The following GPR155 variants were observed in gnomAD, a reference collection of about 807,000 sequenced individuals.
GPR155 encodes the protein G protein-coupled receptor 155.
Under a neutral mutation model 93.1 loss-of-function variants are expected in GPR155, and 65 were observed. The ratio of observed to expected loss-of-function variants is 0.70; its 90% CI spans 0.57 to 0.86. The LOEUF (loss-of-function observed/expected upper bound fraction) is 0.86, where lower values mean the gene tolerates loss of function less well. Ranked by LOEUF, GPR155 falls within the 40% of genes least tolerant of loss-of-function variation. The pLI, the probability that GPR155 is intolerant of heterozygous loss-of-function variation, is 0.00. For synonymous variants in GPR155, 319 were observed against 360.1 expected (o/e 0.89, Z 1.29); for missense variants, 838 against 1,034.8 (o/e 0.81, Z 2.61).
rs767040249 is a variant in GPR155 at position 174,470,378 on chromosome 2, C to T, written c.1026+12G>A. On this transcript the variant is annotated intron_variant, in intron 4 of 15. Coordinates refer to ENST00000392552, the MANE Select transcript of GPR155 (RefSeq NM_152529.7). ...AACACACCATCAAACTTAGAAAGTACTATATACATACAATTTCTACTTCCA... is the reference window on the plus strand; with the variant it reads ...AACACACCATCAAACTTAGAAAGTATTATATACATACAATTTCTACTTCCA... 1 of 1,602,880 alleles carries T rather than the reference C, an allele frequency of 6.2e-7. No individual in the cohort carries two copies. The highest frequency in any genetic ancestry group is 1.7e-5 in the Admixed American group (1 of 59,746).
chr2:174,437,128 G>A (rs1395125656), intron 15 of GPR155, among the ~76,000 whole-genome samples: 1 of 152,116 alleles, frequency 6.6e-6, no homozygotes, highest in African/African-American at 2.4e-5. Context: ...TCTTAAGTAT[G>A]TACAAATAAA....
chr2:174,475,294 C>CA lies in GPR155; in HGVS notation c.461-1931dup, dbSNP rs71024809. The stretch of plus-strand genomic sequence containing the variant: ...TGGGCGACAGAGCGAGACTCCGTCT[C>CA]AAAAAAAAAAAAAAAAAAAAAAAAA... On this transcript the variant is annotated intron_variant, in intron 2 of 15. Transcript: ENST00000392552. Among the ~76,000 whole-genome samples, 163 of 64,310 alleles carry CA rather than the reference C, an allele frequency of 2.5e-3. 8 individuals carry two copies. Among genetic ancestry groups the CA allele is most frequent in the African/African-American group, 0.011 (147 of 13,880 alleles). The allele number at this position is 64,310 out of a possible 152,430, so 42.2% of individuals were successfully genotyped here. A position where few individuals can be genotyped will look rare whatever the true frequency, so the allele number is the denominator to read the frequency against.
intron 9 of GPR155, among the ~76,000 whole-genome samples, chr2:174,460,452 G>A (rs931422214): frequency 3.3e-5 from 5 of 151,826 alleles, no homozygotes; most frequent in East Asian, 3.9e-4. Context: ...GTAAGCCACC[G>A]CACCCAGCCA....
chr2:174,448,612 A>G (rs2105684361), intron 11 of GPR155, among the ~76,000 whole-genome samples: 1 of 138,644 alleles, frequency 7.2e-6, no homozygotes, highest in East Asian at 2.2e-4. Context: ...ATCTCGGCTC[A>G]CTGCAAGCTC....
chr2:174,453,930 T>C, intron 10 of GPR155, 89 bp from the exon 11 acceptor site: 2 of 838,022 alleles, frequency 2.4e-6, no homozygotes, highest in Non-Finnish European at 4.1e-6. Context: ...CAAAACAAAA[T>C]CCACTCACAC....
intron 11 of GPR155, among the ~76,000 whole-genome samples, chr2:174,453,096 C>G (rs2105692563): frequency 6.6e-6 from 1 of 152,276 alleles, no homozygotes; most frequent in Non-Finnish European, 1.5e-5. Flanking sequence ...GTTTCTAAAA[C>G]AAGAAAAAAG....
chr2:174,476,432 C>T (rs1399011114), intron 2 of GPR155, among the ~76,000 whole-genome samples: 2 of 151,970 alleles, frequency 1.3e-5, no homozygotes, highest in African/African-American at 2.4e-5. Flanking sequence ...GGTGAAACCC[C>T]ATCTCTACTA....
intron 10 of GPR155, among the ~76,000 whole-genome samples, chr2:174,454,658 A>AAGGGAAGG (rs1173422002): frequency 7.9e-6 from 1 of 126,752 alleles, no homozygotes; most frequent in South Asian, 2.7e-4. Context: ...GGGAGGGAAG[A>AAGGGAAGG]AGGGAAGGAG....
intron 11 of GPR155, among the ~76,000 whole-genome samples, chr2:174,450,144 A>AT (rs973081024): frequency 1.3e-5 from 2 of 152,082 alleles, no homozygotes; most frequent in Non-Finnish European, 2.9e-5. Context: ...GAAAAAAAAA[A>AT]AAAAAGAATG....
intron 11 of GPR155, among the ~76,000 whole-genome samples, chr2:174,450,454 A>C (rs1687286117): frequency 6.6e-6 from 1 of 152,154 alleles, no homozygotes; most frequent in Non-Finnish European, 1.5e-5. Context: ...AAAACTGCAC[A>C]CGTACCCACT....
intron 9 of GPR155, among the ~76,000 whole-genome samples, chr2:174,460,512 T>C (rs1310181354): frequency 6.6e-6 from 1 of 152,120 alleles, no homozygotes; most frequent in Admixed American, 6.6e-5. Flanking sequence ...TTTTAAATAC[T>C]CTAGAACAGT....
In GPR155 at chr2:174,433,634, A is replaced by G. The variant is rs1330151082; in HGVS notation, c.*2482T>C. 4 of 150,970 alleles carry G rather than the reference A, an allele frequency of 2.6e-5. No homozygotes were observed. The highest frequency in any genetic ancestry group is 5.9e-5 in the Non-Finnish European group (4 of 67,574). 9.4% of individuals were successfully genotyped at this position (150,970 alleles called of 1,614,324 possible). ...TTATTAGATCATGAGGGTGGAGCCT[A>G]TTGAGTGGAATTAATGTCCTTATAA... On this transcript the variant is annotated 3_prime_UTR_variant, in exon 16 of 16. Coordinates refer to ENST00000392552, the MANE Select transcript of GPR155 (RefSeq NM_152529.7).
At chr2:174,485,305 C>CA (rs1399448257) in intron 1 of GPR155, among the ~76,000 whole-genome samples, 4 of 151,416 alleles carry the variant, frequency 2.6e-5, no homozygotes, top group South Asian at 2.1e-4. Flanking sequence ...AAAAACAAAA[C>CA]AAAAAAAAGG....
At chr2:174,460,630 A>C (rs1278244390) in intron 9 of GPR155, among the ~76,000 whole-genome samples, 1 of 152,208 alleles carries the variant, frequency 6.6e-6, no homozygotes, top group Non-Finnish European at 1.5e-5. Flanking sequence ...CATGTATAAC[A>C]ATTGGTTACC....
At chr2:174,478,368 T>C (rs947013082) in intron 2 of GPR155, among the ~76,000 whole-genome samples, 1 of 152,156 alleles carries the variant, frequency 6.6e-6, no homozygotes, top group Non-Finnish European at 1.5e-5. Flanking sequence ...TACAGGCTTG[T>C]ACCACACCTG....
intron 15 of GPR155, among the ~76,000 whole-genome samples, chr2:174,438,569 G>A (rs1574690465): frequency 6.6e-6 from 1 of 152,022 alleles, no homozygotes; most frequent in Non-Finnish European, 1.5e-5. Flanking sequence ...GTGCAGTGGC[G>A]TGATCTCAGC....
In GPR155 at chr2:174,451,222, G is replaced by C. The variant is rs529279766; in HGVS notation, c.1876+2515C>G. Reference sequence around the variant, plus strand: ...CCAGCTACTTGGGAGCCTGAGGCAGGAGAATTGCTTGAACCCGGGAGGCAG... The same window carrying C: ...CCAGCTACTTGGGAGCCTGAGGCAGCAGAATTGCTTGAACCCGGGAGGCAG... On this transcript the variant is annotated intron_variant, in intron 11 of 15. Transcript: ENST00000392552. Among the ~76,000 whole-genome samples the C allele has an allele frequency of 2.6e-5, 4 of 151,992 alleles. No homozygotes were observed. In the South Asian group the frequency reaches 8.3e-4, roughly 32 times the overall value.
chr2:174,467,467 C>T (rs1687873242), intron 5 of GPR155, among the ~76,000 whole-genome samples: 1 of 152,184 alleles, frequency 6.6e-6, no homozygotes. Flanking sequence ...GCCTGGGCAA[C>T]AGAGGGAGAC....
At chr2:174,467,162 AC>A (rs1181939256) in intron 5 of GPR155, among the ~76,000 whole-genome samples, 4 of 151,444 alleles carry the variant, frequency 2.6e-5, no homozygotes, top group African/African-American at 9.7e-5. Context: ...ATCTCAAAAA[AC>A]AAAACAAAAC....
Sources: gnomAD v4.1 joint callset for allele counts (sites outside exome capture counted in the v4.1 genomes callset) on GRCh38, gnomAD v4.1.1 for gene constraint, MANE v1.5 for transcripts, NCBI Gene and HGNC (gene_info 2026-07-23, HGNC 2026-07-21) for gene names.